RYR3: variants seen among roughly 807,000 people sequenced by gnomAD.
The protein encoded by RYR3 is brain ryanodine receptor-calcium release channel.
RYR3 carries 207 observed loss-of-function variants against 584.3 expected under a neutral mutation model. The observed-to-expected ratio is 0.35, with a 90% CI of 0.32 to 0.40. RYR3 has a LOEUF of 0.40. Among genes scored for constraint, RYR3 ranks in the 10% least tolerant of loss-of-function variants. The pLI is 1.00. For missense variants in RYR3, 5,616 were observed against 6,089.2 expected, an observed-to-expected ratio of 0.92 and a Z score of 2.59; for synonymous variants, 2,416 against 2,248.5, an observed-to-expected ratio of 1.07 and a Z score of -2.11.
intron 22 of RYR3, among the ~76,000 whole-genome samples, 170 bp from the exon 23 acceptor site, chr15:33,631,040 T>C (rs776510745): frequency 5.9e-5 from 9 of 152,198 alleles, no homozygotes; most frequent in Non-Finnish European, 1.3e-4. Flanking sequence ...CAGAGACATA[T>C]GGCTCACAAA....
chr15:33,388,198 T>C (rs545225586), intron 1 of RYR3, among the ~76,000 whole-genome samples: 4 of 152,274 alleles, frequency 2.6e-5, no homozygotes, highest in African/African-American at 4.8e-5. Context: ...GATGTGATAG[T>C]TGATAAAGTA....
At chr15:33,643,733 T>A (rs1241191862) in intron 27 of RYR3, among the ~76,000 whole-genome samples, 2 of 152,228 alleles carry the variant, frequency 1.3e-5, no homozygotes, top group Non-Finnish European at 1.5e-5. Flanking sequence ...CAAGTCATCC[T>A]TTTTTTATTT....
intron 1 of RYR3, among the ~76,000 whole-genome samples, chr15:33,353,221 A>G (rs1015772680): frequency 2.0e-5 from 3 of 152,204 alleles, no homozygotes; most frequent in African/African-American, 7.2e-5. Context: ...CCTTGGTAAG[A>G]TATTTCTGTT....
In RYR3 at chr15:33,474,923, A is replaced by G. The variant is rs544742834; in HGVS notation, c.171+1385A>G. Reference sequence around the variant, plus strand: ...GGATCCATAAGGATAGACATGAACCAGAGTCCCATTAAAATATATGGGATA... The same window carrying G: ...GGATCCATAAGGATAGACATGAACCGGAGTCCCATTAAAATATATGGGATA... On this transcript the variant is annotated intron_variant, in intron 2 of 103. Coordinates refer to ENST00000634891, the MANE Select transcript of RYR3 (RefSeq NM_001036.6). Among the ~76,000 whole-genome samples the G allele has an allele frequency of 2.6e-5, 4 of 152,368 alleles. No homozygotes were observed. In the East Asian group the frequency reaches 7.7e-4, roughly 29 times the overall value.
chr15:33,327,243 G>A (rs1174012548), intron 1 of RYR3, among the ~76,000 whole-genome samples: 1 of 152,158 alleles, frequency 6.6e-6, no homozygotes, highest in African/African-American at 2.4e-5. Flanking sequence ...TCTTATTAAA[G>A]GTGTTACTGA....
intron 2 of RYR3, among the ~76,000 whole-genome samples, chr15:33,474,297 G>A (rs1205646080): frequency 6.6e-6 from 1 of 152,168 alleles, no homozygotes; most frequent in African/African-American, 2.4e-5. Flanking sequence ...GAGTGGGTAG[G>A]TAGGTAAGTA....
chr15:33,716,718 G>T (rs2067517295), intron 43 of RYR3, among the ~76,000 whole-genome samples: 1 of 152,142 alleles, frequency 6.6e-6, no homozygotes, highest in Non-Finnish European at 1.5e-5. Context: ...GCCCCTGTGG[G>T]ATTCCAACGA....
chr15:33,328,897 TG>T, intron 1 of RYR3, among the ~76,000 whole-genome samples: 1 of 152,338 alleles, frequency 6.6e-6, no homozygotes, highest in East Asian at 1.9e-4. Context: ...CCTTTTCCCT[TG>T]TTTTCAGATG....
intron 33 of RYR3, among the ~76,000 whole-genome samples, 183 bp from the exon 34 acceptor site, chr15:33,660,010 TGAAA>T (rs2063059103): frequency 6.6e-6 from 1 of 152,226 alleles, no homozygotes; most frequent in South Asian, 2.1e-4. Flanking sequence ...TTTTGGGTGC[TGAAA>T]GAATCAATTA....
chr15:33,816,311 C>G (rs1333640968), intron 74 of RYR3, among the ~76,000 whole-genome samples: 1 of 152,202 alleles, frequency 6.6e-6, no homozygotes, highest in Non-Finnish European at 1.5e-5. Flanking sequence ...ATGCGGCACA[C>G]AGAAAATATG....
At chr15:33,575,206 A>G (rs8026964) in intron 12 of RYR3, among the ~76,000 whole-genome samples, 2,335 of 152,264 alleles carry the variant, frequency 0.015, 61 homozygotes, top group African/African-American at 0.054. Context: ...CACTGTCAAT[A>G]TTAGATCATT....
At chr15:33,429,875 T>C (rs1278001359) in intron 1 of RYR3, among the ~76,000 whole-genome samples, 1 of 152,186 alleles carries the variant, frequency 6.6e-6, no homozygotes, top group Non-Finnish European at 1.5e-5. Context: ...CAAAAGATGG[T>C]TTATTATTAG....
At chr15:33,437,776 A>C (rs1363689977) in intron 1 of RYR3, among the ~76,000 whole-genome samples, 1 of 152,194 alleles carries the variant, frequency 6.6e-6, no homozygotes, top group Non-Finnish European at 1.5e-5. Context: ...TCAGTCTCCA[A>C]GGCTGGGGTG....
At chr15:33,778,687 G>C (rs1596545067) in intron 64 of RYR3, among the ~76,000 whole-genome samples, 2 of 152,212 alleles carry the variant, frequency 1.3e-5, no homozygotes, top group African/African-American at 2.4e-5. Flanking sequence ...CTCCGTCTCT[G>C]GGCAGCATTG....
At chr15:33,539,067 C>A in intron 5 of RYR3, 1 of 211,022 alleles carries the variant, frequency 4.7e-6, no homozygotes, top group Non-Finnish European at 9.4e-6. Flanking sequence ...AGCATTTTTC[C>A]TATTTGCATT....
intron 12 of RYR3, among the ~76,000 whole-genome samples, chr15:33,577,367 A>G (rs769867783): frequency 1.6e-4 from 24 of 152,340 alleles, no homozygotes; most frequent in Non-Finnish European, 1.3e-4. Flanking sequence ...ACTTCAAACT[A>G]TGTTATAAGG....
intron 31 of RYR3, among the ~76,000 whole-genome samples, chr15:33,651,123 C>T (rs1169696077): frequency 1.3e-5 from 2 of 152,208 alleles, no homozygotes; most frequent in Non-Finnish European, 1.5e-5. Flanking sequence ...GACATTTTAG[C>T]ACCTAGGATA....
intron 19 of RYR3, 114 bp downstream of exon 19, chr15:33,613,489 C>A (rs2060298637): frequency 9.2e-7 from 1 of 1,088,302 alleles, no homozygotes; most frequent in East Asian, 2.6e-5. Context: ...GAACTAAGTT[C>A]CCCAGGACAG....
chr15:33,843,090 T>A (rs1050449102), intron 91 of RYR3, among the ~76,000 whole-genome samples: 1 of 151,748 alleles, frequency 6.6e-6, no homozygotes, highest in Non-Finnish European at 1.5e-5. Flanking sequence ...GAGGCCGAGA[T>A]GGGTGGATCA....
Sources: gnomAD v4.1 joint callset for allele counts (sites outside exome capture counted in the v4.1 genomes callset) on GRCh38, gnomAD v4.1.1 for gene constraint, MANE v1.5 for transcripts, NCBI Gene and HGNC (gene_info 2026-07-23, HGNC 2026-07-21) for gene names.